The following ETV1 variants were observed in gnomAD, a reference collection of about 807,000 sequenced individuals.
ETV1 encodes ETS variant transcription factor 1.
In ETV1, 27 loss-of-function variants were observed where a neutral mutation model predicts 62.3. The ratio of observed to expected loss-of-function variants is 0.43; its 90% CI spans 0.32 to 0.60. ETV1 has a LOEUF of 0.60. Ranked by LOEUF, ETV1 falls within the 20% of genes least tolerant of loss-of-function variation. ETV1 has a pLI of 0.06. For synonymous variants in ETV1, 222 were observed against 199.6 expected (o/e 1.11, Z -0.94); for missense variants, 605 against 605.8 (o/e 1.00, Z 0.01).
At chr7:13,973,568 A>G (rs912012185) in intron 6 of ETV1, among the ~76,000 whole-genome samples, 1 of 152,206 alleles carries the variant, frequency 6.6e-6, no homozygotes, top group Non-Finnish European at 1.5e-5. Context: ...TCGGTGAAGA[A>G]TAAAATTAGC....
chr7:13,991,021 T>TCAAC (rs1237497326), upstream of ETV1: 19 of 152,122 alleles, frequency 1.2e-4, no homozygotes, highest in African/African-American at 4.6e-4. Context: ...AAACAAACAA[T>TCAAC]CAACACTTAT....
At chr7:13,920,439 TGA>T (rs1267665759) in intron 9 of ETV1, among the ~76,000 whole-genome samples, 5 of 128,730 alleles carry the variant, frequency 3.9e-5, no homozygotes, top group East Asian at 2.6e-4. Flanking sequence ...AGAGAGTGAG[TGA>T]GTGTGTGTGT....
intron 6 of ETV1, among the ~76,000 whole-genome samples, chr7:13,955,106 T>A (rs1055727575): frequency 1.2e-4 from 19 of 152,218 alleles, no homozygotes; most frequent in African/African-American, 4.6e-4. Flanking sequence ...CAAAAACATT[T>A]TATTTGAACC....
chr7:13,981,268 C>G (rs1056039719), intron 5 of ETV1, among the ~76,000 whole-genome samples: 3 of 152,178 alleles, frequency 2.0e-5, no homozygotes, highest in Non-Finnish European at 4.4e-5. Flanking sequence ...CAGCTGATCT[C>G]CTCAGCAATT....
chr7:13,975,590 G>GAAA (rs368323645), intron 6 of ETV1, among the ~76,000 whole-genome samples: 2 of 125,478 alleles, frequency 1.6e-5, no homozygotes, highest in East Asian at 4.8e-4. Context: ...GAAAAGAAAA[G>GAAA]AAAAAAAAAA....
At chr7:13,986,548 G>A (rs1562723205) in intron 5 of ETV1, 90 bp downstream of exon 5, 1 of 1,586,962 alleles carries the variant, frequency 6.3e-7, no homozygotes, top group South Asian at 1.2e-5. Flanking sequence ...TCAATTAATT[G>A]GGCTGAATAT....
chr7:13,988,021 T>A (rs1467071369), intron 4 of ETV1, 65 bp downstream of exon 4: 1 of 889,648 alleles, frequency 1.1e-6, no homozygotes, highest in East Asian at 2.4e-5. Flanking sequence ...AAGTGCTCCT[T>A]TTCTTTTAGC....
intron 6 of ETV1, among the ~76,000 whole-genome samples, chr7:13,953,115 A>G (rs1001228570): frequency 2.6e-5 from 4 of 152,202 alleles, no homozygotes; most frequent in South Asian, 2.1e-4. Context: ...GCAGCACGAC[A>G]CTATTTTTTT....
At chr7:13,915,778 C>T (rs1413233948) in intron 9 of ETV1, among the ~76,000 whole-genome samples, 1 of 151,554 alleles carries the variant, frequency 6.6e-6, no homozygotes, top group African/African-American at 2.4e-5. Context: ...TTTACTTTTA[C>T]CATATGACCA....
chr7:13,897,308 T>A (rs977893316), intron 13 of ETV1, among the ~76,000 whole-genome samples: 1 of 152,318 alleles, frequency 6.6e-6, no homozygotes, highest in East Asian at 1.9e-4. Context: ...ATTTTTGATG[T>A]GGGGCAACAG....
intron 6 of ETV1, among the ~76,000 whole-genome samples, chr7:13,957,321 C>T (rs1457745341): frequency 6.6e-6 from 1 of 151,996 alleles, no homozygotes; most frequent in Admixed American, 6.6e-5. Flanking sequence ...CTCCTGACCT[C>T]GTGATTTGCC....
chr7:13,924,013 C>T (rs1406347279), intron 9 of ETV1, among the ~76,000 whole-genome samples: 1 of 150,248 alleles, frequency 6.7e-6, no homozygotes, highest in African/African-American at 2.5e-5. Flanking sequence ...CCAGCCGGGG[C>T]AACAAGAGTG....
At chr7:13,943,092 A>T (rs1317524102) in intron 6 of ETV1, among the ~76,000 whole-genome samples, 1 of 152,216 alleles carries the variant, frequency 6.6e-6, no homozygotes, top group Non-Finnish European at 1.5e-5. Flanking sequence ...TGAAGAACTC[A>T]TTTAACAAAA....
At chr7:13,939,426 C>T (rs530735971) in intron 6 of ETV1, among the ~76,000 whole-genome samples, 180 bp from the exon 7 acceptor site, 1 of 152,172 alleles carries the variant, frequency 6.6e-6, no homozygotes, top group South Asian at 2.1e-4. Flanking sequence ...TCATATACGC[C>T]TTTTCTGCCT....
chr7:13,960,959 G>A (rs1240936199), intron 6 of ETV1, among the ~76,000 whole-genome samples: 1 of 152,016 alleles, frequency 6.6e-6, no homozygotes, highest in East Asian at 1.9e-4. Flanking sequence ...AGGTAACACA[G>A]CAATACCTCC....
rs1781474556 is a variant in ETV1 at position 13,892,883 on chromosome 7, G to C, written c.*2983C>G. On this transcript the variant is annotated 3_prime_UTR_variant, in exon 14 of 14. Transcript: ENST00000430479. ...CAGACCTAAGGACATCTTGGTTTTA[G>C]TCTCTTAAGGCTTCTTTTGAACTTC... 2 of 231,942 alleles carry C rather than the reference G, an allele frequency of 8.6e-6. No homozygotes were observed. Among genetic ancestry groups the C allele is most frequent in the South Asian group, 3.6e-4 (2 of 5,526 alleles). 14.4% of individuals were successfully genotyped at this position (231,942 alleles called of 1,614,324 possible).
intron 8 of ETV1, among the ~76,000 whole-genome samples, chr7:13,932,317 G>A (rs1157680392): frequency 6.6e-6 from 1 of 152,084 alleles, no homozygotes; most frequent in African/African-American, 2.4e-5. Flanking sequence ...AATTAACATT[G>A]CGTTCTAGTA....
At chr7:13,953,223 T>A (rs186620267) in intron 6 of ETV1, among the ~76,000 whole-genome samples, 1 of 152,174 alleles carries the variant, frequency 6.6e-6, no homozygotes, top group East Asian at 1.9e-4. Context: ...GAGAAACAGA[T>A]CTAATAAATT....
At position 13,940,371 on chromosome 7, in the gene ETV1, A is replaced by AG. The variant is rs1442243882; in HGVS notation, c.236-1126dup. On this transcript the variant is annotated intron_variant, in intron 6 of 13. Coordinates refer to ENST00000430479, the MANE Select transcript of ETV1 (RefSeq NM_004956.5). ...AGCGAGACTCCACCTCAAAAAAAAAAGAAAAAAAAGAAAAAAAAGAAAAAA... is the reference window on the plus strand; with the variant it reads ...AGCGAGACTCCACCTCAAAAAAAAAAGGAAAAAAAAGAAAAAAAAGAAAAAA... Among the ~76,000 whole-genome samples the AG allele has an allele frequency of 4.0e-5, 3 of 74,878 alleles. No individual in the cohort carries two copies. In the East Asian group the frequency reaches 1.6e-3, roughly 40 times the overall value. The allele number at this position is 74,878 out of a possible 152,430, so 49.1% of individuals were successfully genotyped here.
Sources: gnomAD v4.1 joint callset for allele counts (sites outside exome capture counted in the v4.1 genomes callset) on GRCh38, gnomAD v4.1.1 for gene constraint, MANE v1.5 for transcripts, NCBI Gene and HGNC (gene_info 2026-07-23, HGNC 2026-07-21) for gene names.